The following PPARGC1B variants were observed in gnomAD, a reference collection of about 807,000 sequenced individuals.
PPARGC1B encodes the protein PPARG coactivator 1 beta.
In PPARGC1B, 34 loss-of-function variants were observed where a neutral mutation model predicts 101.6. The observed-to-expected ratio is 0.33, with a 90% CI of 0.25 to 0.45. PPARGC1B has a LOEUF of 0.45. PPARGC1B is among the 20% of genes least tolerant of loss of function. The probability of loss-of-function intolerance (pLI) is 1.00; values close to 1 mark genes in which losing one functional copy is unlikely to be tolerated. For synonymous variants in PPARGC1B, 548 were observed against 539.3 expected (o/e 1.02, Z -0.22); for missense variants, 1,234 against 1,317.6 (o/e 0.94, Z 0.98).
At chr5:149,855,907 A>G (rs1438810308), downstream of PPARGC1B, among the ~76,000 whole-genome samples, 1 of 152,044 alleles carries the variant, frequency 6.6e-6, no homozygotes, top group Non-Finnish European at 1.5e-5. Flanking sequence ...ACCTGAGGTT[A>G]GGAGTTCGAG....
At position 149,832,738 on chromosome 5, in the gene PPARGC1B, C is replaced by T. The variant is rs75266799; in HGVS notation, c.665C>T (p.Ser222Leu). The change falls in exon 5 of 12, where the codon TCG becomes TTG. Residue 222 changes from serine (S) to leucine (L), a missense_variant. This residue lies in a region of PPARGC1B where 734 missense variants were observed against 768.4 expected (regional missense o/e 0.96). Coordinates refer to ENST00000309241, the MANE Select transcript of PPARGC1B (RefSeq NM_133263.4). The surrounding 1 kb of genome is among the most constrained non-coding windows in gnomAD (Gnocchi z 4.9). ...ACAGAACTACATAAGCACCTCACCT[C>T]GGCACAGTGCTGCCTGCAGGATCGG... ...SCTELHKHLTSAQCCLQDRGL... is the reference protein window; with the variant it reads ...SCTELHKHLTLAQCCLQDRGL... 306 of 1,609,336 alleles carry T rather than the reference C, an allele frequency of 1.9e-4. 1 individual carries two copies. The African/African-American group carries it at 2.7e-3, about 14-fold the overall frequency.
rs111277152 is a variant in PPARGC1B at position 149,764,392 on chromosome 5, T to C, written c.78+33972T>C. ...GCTGGGCCCAAACATGAGGCTGAAG[T>C]AGGATGCGGAGAGTTGGTTAGAGAT... On this transcript the variant is annotated intron_variant, in intron 1 of 11. Coordinates refer to ENST00000309241, the MANE Select transcript of PPARGC1B (RefSeq NM_133263.4). Among the ~76,000 whole-genome samples, 234 of 152,110 alleles carry C rather than the reference T, an allele frequency of 1.5e-3. 1 individual carries two copies. The highest frequency in any genetic ancestry group is 5.4e-3 in the African/African-American group (224 of 41,500).
At chr5:149,819,121 A>G (rs934614546) in intron 1 of PPARGC1B, among the ~76,000 whole-genome samples, 5 of 152,168 alleles carry the variant, frequency 3.3e-5, no homozygotes, top group Admixed American at 2.0e-4. Flanking sequence ...CTGAGAATTT[A>G]TATTATTTCC....
intron 1 of PPARGC1B, among the ~76,000 whole-genome samples, chr5:149,754,565 G>C (rs1213370522): frequency 6.6e-6 from 1 of 152,088 alleles, no homozygotes; most frequent in Non-Finnish European, 1.5e-5. Flanking sequence ...TATTTACTTG[G>C]TTTCAAATGA....
At chr5:149,755,119 G>A (rs996324435) in intron 1 of PPARGC1B, among the ~76,000 whole-genome samples, 3 of 148,474 alleles carry the variant, frequency 2.0e-5, no homozygotes, top group African/African-American at 7.6e-5. Flanking sequence ...ATGTTGGGCA[G>A]GCTGGTCTCA....
intron 1 of PPARGC1B, among the ~76,000 whole-genome samples, chr5:149,753,314 C>G (rs1755385685): frequency 6.6e-6 from 1 of 152,042 alleles, no homozygotes; most frequent in Admixed American, 6.6e-5. Context: ...TCAAGCGATT[C>G]TCCTGCCTCA....
At chr5:149,806,610 T>C (rs550160124) in intron 1 of PPARGC1B, among the ~76,000 whole-genome samples, 16 of 2,560 alleles carry the variant, frequency 6.3e-3, no homozygotes, top group Middle Eastern at 0.5. Context: ...CTCTGGGACT[T>C]TTTTTTTTTT....
At chr5:149,834,252 T>C (rs1446967980) in intron 5 of PPARGC1B, among the ~76,000 whole-genome samples, 2 of 152,240 alleles carry the variant, frequency 1.3e-5, no homozygotes, top group African/African-American at 4.8e-5. Context: ...AGATTGTCCC[T>C]ATTGAGTCCT....
rs527967789 is a variant in PPARGC1B, at chr5:149,780,882, A to G, written c.79-39551A>G. ...GGCGTGGCACTGGTAAGTGGAGGTC[A>G]GAAGGGGAAGTTCTGGCTCGAGCTA... On this transcript the variant is annotated intron_variant, in intron 1 of 11. Coordinates refer to ENST00000309241, the MANE Select transcript of PPARGC1B (RefSeq NM_133263.4). 3.3e-5 allele frequency among the ~76,000 whole-genome samples: 5 copies of G among 152,344 alleles called. No individual in the cohort carries two copies. The South Asian group carries it at 1.0e-3, about 32-fold the overall frequency.
At chr5:149,763,061 G>C (rs543229498) in intron 1 of PPARGC1B, among the ~76,000 whole-genome samples, 3 of 152,014 alleles carry the variant, frequency 2.0e-5, no homozygotes, top group Non-Finnish European at 4.4e-5. Context: ...TTAGCATTAC[G>C]GGCATGAGCC....
chr5:149,768,768 G>T (rs898073638), intron 1 of PPARGC1B, among the ~76,000 whole-genome samples: 1 of 150,874 alleles, frequency 6.6e-6, no homozygotes, highest in African/African-American at 2.4e-5. Flanking sequence ...CACCCACCTC[G>T]GCCTCCCAAA....
At chr5:149,739,718 G>C (rs1007573532) in intron 1 of PPARGC1B, among the ~76,000 whole-genome samples, 3 of 152,172 alleles carry the variant, frequency 2.0e-5, no homozygotes, top group Non-Finnish European at 4.4e-5. Flanking sequence ...GGACCCTGGG[G>C]CAAGGTCTAC....
intron 2 of PPARGC1B, among the ~76,000 whole-genome samples, chr5:149,826,361 C>A (rs1758519451): frequency 6.6e-6 from 1 of 152,120 alleles, no homozygotes; most frequent in African/African-American, 2.4e-5. Context: ...AGGTGGACAG[C>A]CCTGTGCCCA....
chr5:149,824,466 G>A (rs2113369089), intron 2 of PPARGC1B, among the ~76,000 whole-genome samples: 1 of 152,272 alleles, frequency 6.6e-6, no homozygotes, highest in East Asian at 1.9e-4. Context: ...TCTCATTACT[G>A]CTTCCAGACT....
intron 1 of PPARGC1B, among the ~76,000 whole-genome samples, chr5:149,750,546 C>G (rs1421557659): frequency 6.7e-6 from 1 of 149,154 alleles, no homozygotes; most frequent in Non-Finnish European, 1.5e-5. Flanking sequence ...GGTCTGCAGA[C>G]TTGGCTGTGG....
At position 149,730,607 on chromosome 5, in the gene PPARGC1B, C is replaced by A. The variant is rs1754416504; in HGVS notation, c.78+187C>A. Among the ~76,000 whole-genome samples, 1 of 152,198 alleles carries A rather than the reference C, an allele frequency of 6.6e-6. No individual in the cohort carries two copies. The highest frequency in any genetic ancestry group is 1.9e-4 in the East Asian group (1 of 5,146). ...ACCGGGGCAGGGAGCCGGAGGTCTC[C>A]CGGCGCGTGCCGGAGCGCTGGGGGC... On this transcript the variant is annotated intron_variant, in intron 1 of 11. Transcript: ENST00000309241. This position sits in a 1 kb window ranked among gnomAD's most constrained non-coding sequence, Gnocchi z 4.0.
intron 1 of PPARGC1B, among the ~76,000 whole-genome samples, chr5:149,758,586 C>T (rs1161400711): frequency 1.3e-5 from 2 of 152,212 alleles, no homozygotes; most frequent in Admixed American, 1.3e-4. Flanking sequence ...CCTGTGTCAT[C>T]ATGTGCCCCA....
At position 149,833,269 on chromosome 5, in the gene PPARGC1B, C is replaced by T. The variant is rs1187797852; in HGVS notation, c.1196C>T (p.Ser399Leu). 3 of 1,613,372 alleles carry T rather than the reference C, an allele frequency of 1.9e-6. No homozygotes were observed. Among genetic ancestry groups the T allele is most frequent in the East Asian group, 2.2e-5 (1 of 44,874 alleles). ...GTGGAGGAGGTAAGGATCGCAGCTT[C>T]ACCCAAGAGCACCGGGCCCAGACCA... is the stretch of plus-strand genomic sequence containing the variant. ...SSVEEVRIAA[S>L]PKSTGPRPSL... The change falls in exon 5 of 12, where the codon TCA becomes TTA. Residue 399 changes from serine to leucine, a missense_variant. Ser to Leu is a moderately radical substitution (Grantham distance 145). This residue lies in a region of PPARGC1B where 734 missense variants were observed against 768.4 expected (regional missense o/e 0.96). Coordinates refer to ENST00000309241, the MANE Select transcript of PPARGC1B (RefSeq NM_133263.4). The surrounding 1 kb of genome is among the most constrained non-coding windows in gnomAD (Gnocchi z 4.1).
chr5:149,857,628 G>A (rs1429078013), downstream of PPARGC1B, among the ~76,000 whole-genome samples: 1 of 152,174 alleles, frequency 6.6e-6, no homozygotes, highest in Non-Finnish European at 1.5e-5. Flanking sequence ...GTTCTCTATT[G>A]ACATCACCAC....
Sources: allele counts gnomAD v4.1 joint callset (sites outside exome capture counted in the v4.1 genomes callset), GRCh38; gene constraint gnomAD v4.1.1; regional missense constraint gnomAD v4.1.1; non-coding constraint Gnocchi (gnomAD v3.1); transcripts MANE v1.5; gene names NCBI Gene and HGNC (gene_info 2026-07-23, HGNC 2026-07-21).